Variants in DSCAML1 observed in about 807,000 individuals in gnomAD.
DSCAML1 encodes cell adhesion molecule DSCAML1.
DSCAML1 carries 38 observed loss-of-function variants against 200.5 expected under a neutral mutation model. The ratio of observed to expected loss-of-function variants is 0.19; its 90% CI spans 0.15 to 0.25. The LOEUF (loss-of-function observed/expected upper bound fraction) is 0.25, where lower values mean the gene tolerates loss of function less well. DSCAML1 is among the 10% of genes least tolerant of loss of function. The probability of loss-of-function intolerance (pLI) is 1.00; values close to 1 mark genes in which losing one functional copy is unlikely to be tolerated. For missense variants in DSCAML1, 2,223 were observed against 2,858.8 expected (o/e 0.78, Z 5.07); for synonymous variants, 1,215 against 1,165.0 (o/e 1.04, Z -0.87).
chr11:117,769,521 A>ATATATTTTATATATATTT (rs2054996622), intron 3 of DSCAML1, among the ~76,000 whole-genome samples: 2 of 68,794 alleles, frequency 2.9e-5, no homozygotes, highest in Non-Finnish European at 4.7e-5. Context: ...TATATATATT[A>ATATATTTTATATATATTT]TATATATTTT....
intron 3 of DSCAML1, among the ~76,000 whole-genome samples, chr11:117,675,122 C>T (rs58933382): frequency 0.037 from 5,584 of 152,252 alleles, 350 homozygotes; most frequent in African/African-American, 0.13. Flanking sequence ...AACTCCTCCA[C>T]AAGCATGTGA....
intron 3 of DSCAML1, among the ~76,000 whole-genome samples, chr11:117,590,032 C>T (rs1197067424): frequency 2.6e-5 from 4 of 152,114 alleles, no homozygotes; most frequent in South Asian, 2.1e-4. Context: ...TTTGCCTTAT[C>T]CAAATACTAT....
Position 117,539,405 on chromosome 11 carries a change from C to T in DSCAML1, c.512-6883G>A, listed in dbSNP as rs541003791. Reference sequence around the variant, plus strand: ...GGTGGATCACCTGAGGTCAGGAGTTCGAGACCAGCCTGGCCAATGTGGTGA... The same window carrying T: ...GGTGGATCACCTGAGGTCAGGAGTTTGAGACCAGCCTGGCCAATGTGGTGA... On this transcript the variant is annotated intron_variant, in intron 3 of 32. Coordinates refer to ENST00000651296, the MANE Select transcript of DSCAML1 (RefSeq NM_020693.4). Among the ~76,000 whole-genome samples the T allele has an allele frequency of 1.3e-4, 20 of 151,998 alleles. No individual in the cohort carries two copies. In the Middle Eastern group the frequency reaches 0.014, roughly 103 times the overall value.
At chr11:117,701,865 C>A (rs1453740189) in intron 3 of DSCAML1, among the ~76,000 whole-genome samples, 1 of 152,198 alleles carries the variant, frequency 6.6e-6, no homozygotes, top group Non-Finnish European at 1.5e-5. Flanking sequence ...AGCCTCATAA[C>A]CCCCAGACCT....
intron 3 of DSCAML1, among the ~76,000 whole-genome samples, chr11:117,564,213 G>A (rs1027561239): frequency 6.6e-6 from 1 of 152,222 alleles, no homozygotes; most frequent in Non-Finnish European, 1.5e-5. Context: ...TCATAGAAAT[G>A]TACCAGGGTA....
chr11:117,666,780 T>A (rs2052985694), intron 3 of DSCAML1, among the ~76,000 whole-genome samples: 1 of 152,228 alleles, frequency 6.6e-6, no homozygotes, highest in Non-Finnish European at 1.5e-5. Context: ...AGCCTTGATC[T>A]CTTCTTCTGT....
At chr11:117,810,056 CAT>C (rs1314198952) in intron 1 of DSCAML1, among the ~76,000 whole-genome samples, 1 of 150,572 alleles carries the variant, frequency 6.6e-6, no homozygotes, top group African/African-American at 2.5e-5. Flanking sequence ...CACTCACACA[CAT>C]TCACACACTC....
Position 117,504,843 on chromosome 11 carries a change from G to A in DSCAML1, c.2182+81C>T. 6.6e-7 allele frequency: 1 copy of A among 1,512,430 alleles called. No individual in the cohort carries two copies. The highest frequency in any genetic ancestry group is 8.9e-7 in the Non-Finnish European group (1 of 1,125,438). The allele number at this position is 1,512,430 out of a possible 1,614,324, so 93.7% of individuals were successfully genotyped here. A position where few individuals can be genotyped will look rare whatever the true frequency, so the allele number is the denominator to read the frequency against. ...TCCAGGGATAGGAGTTGCCTGCATG[G>A]AACAGGTTCAAATCCCACAGAGCAT... On this transcript the variant is annotated intron_variant, in intron 10 of 32. Transcript: ENST00000651296. The surrounding 1 kb of genome is among the most constrained non-coding windows in gnomAD (Gnocchi z 5.0).
At chr11:117,647,053 C>A (rs1011733906) in intron 3 of DSCAML1, among the ~76,000 whole-genome samples, 2 of 152,150 alleles carry the variant, frequency 1.3e-5, no homozygotes, top group Non-Finnish European at 2.9e-5. Context: ...AAAATGATGT[C>A]CAGAAAGATG....
intron 3 of DSCAML1, among the ~76,000 whole-genome samples, chr11:117,639,246 A>T (rs1028600943): frequency 2.8e-4 from 39 of 138,808 alleles, no homozygotes; most frequent in Middle Eastern, 3.6e-3. Context: ...GATGGATGGG[A>T]GGCTGGGTGG....
chr11:117,589,576 T>C (rs989065078), intron 3 of DSCAML1, among the ~76,000 whole-genome samples: 19 of 152,300 alleles, frequency 1.2e-4, no homozygotes, highest in African/African-American at 4.6e-4. Flanking sequence ...GTAAATATAA[T>C]AATGTTGATA....
intron 3 of DSCAML1, among the ~76,000 whole-genome samples, chr11:117,533,466 A>C (rs2050116806): frequency 6.6e-6 from 1 of 152,164 alleles, no homozygotes; most frequent in Admixed American, 6.5e-5. Context: ...TCAACAAATG[A>C]TTATTGAGGC....
Position 117,750,647 on chromosome 11 carries a change from A to C in DSCAML1, c.511+26144T>G, listed in dbSNP as rs139299044. On this transcript the variant is annotated intron_variant, in intron 3 of 32. Transcript: ENST00000651296. ...AAACAGAGTGTAGGCCTCTGTGCTT[A>C]TCCTAATCCCAAAATGAAGGTTCTA... Among the ~76,000 whole-genome samples the C allele has an allele frequency of 2.6e-3, 389 of 152,280 alleles. 3 individuals are homozygous for C. Among genetic ancestry groups the C allele is most frequent in the African/African-American group, 8.6e-3 (357 of 41,564 alleles).
At chr11:117,619,259 G>C (rs780497007) in intron 3 of DSCAML1, among the ~76,000 whole-genome samples, 2 of 152,242 alleles carry the variant, frequency 1.3e-5, no homozygotes, top group Non-Finnish European at 2.9e-5. Context: ...CCTTGCTACT[G>C]CATCAAGGCC....
intron 3 of DSCAML1, among the ~76,000 whole-genome samples, chr11:117,583,254 C>T (rs914569299): frequency 2.1e-4 from 32 of 152,052 alleles, no homozygotes; most frequent in Non-Finnish European, 3.5e-4. Context: ...ACTGAAGACC[C>T]CTTGCCTCTG....
intron 5 of DSCAML1, 101 bp downstream of exon 5, chr11:117,524,704 C>G (rs571671964): frequency 7.1e-7 from 1 of 1,404,898 alleles, no homozygotes; most frequent in Admixed American, 2.8e-5. Context: ...ATTCCCAGGG[C>G]CTGGTCAGAG....
rs564909754 is a variant in DSCAML1, at chr11:117,569,814, C to T, written c.512-37292G>A. On this transcript the variant is annotated intron_variant, in intron 3 of 32. Transcript: ENST00000651296. The stretch of plus-strand genomic sequence containing the variant: ...TGGCTCCCAAGGTCTCCTGCATGTT[C>T]CTCCACACTTACTCTCTTCTCCCCT... Among the ~76,000 whole-genome samples, 3 of 152,292 alleles carry T rather than the reference C, an allele frequency of 2.0e-5. No individual in the cohort carries two copies. In the South Asian group the frequency reaches 6.2e-4, roughly 32 times the overall value.
intron 3 of DSCAML1, among the ~76,000 whole-genome samples, chr11:117,731,189 C>T (rs1423460808): frequency 2.0e-5 from 3 of 152,152 alleles, no homozygotes; most frequent in Non-Finnish European, 4.4e-5. Flanking sequence ...AATTGCCTGC[C>T]CTATTGTGCC....
intron 16 of DSCAML1, among the ~76,000 whole-genome samples, chr11:117,468,518 C>G (rs1268253020): frequency 6.6e-6 from 1 of 152,232 alleles, no homozygotes; most frequent in African/African-American, 2.4e-5. Flanking sequence ...CACCTCCTGG[C>G]TGCCTTGGAG....
Sources: gnomAD v4.1 joint callset for allele counts (sites outside exome capture counted in the v4.1 genomes callset) on GRCh38, gnomAD v4.1.1 for gene constraint, Gnocchi (gnomAD v3.1) non-coding constraint, MANE v1.5 for transcripts, NCBI Gene and HGNC (gene_info 2026-07-23, HGNC 2026-07-21) for gene names.